The following SLC5A8 variants were observed in gnomAD, a reference collection of about 807,000 sequenced individuals.
SLC5A8 encodes sodium-coupled monocarboxylate transporter 1.
SLC5A8 carries 55 observed loss-of-function variants against 71.9 expected under a neutral mutation model. The observed-to-expected ratio is 0.77, with a 90% confidence interval of 0.62 to 0.96. The LOEUF is 0.96. Among genes scored for constraint, SLC5A8 ranks in the 40% least tolerant of loss-of-function variants. The pLI is 0.00. For missense variants in SLC5A8, 701 were observed against 745.3 expected (o/e 0.94, Z 0.69); for synonymous variants, 307 against 276.1 (o/e 1.11, Z -1.11).
Position 101,193,692 on chromosome 12 carries a change from C to T in SLC5A8, c.625G>A (p.Val209Met), listed in dbSNP as rs1869028086. 2 of 1,614,142 alleles carry T rather than the reference C, an allele frequency of 1.2e-6. No individual in the cohort carries two copies. The highest frequency in any genetic ancestry group is 2.2e-5 in the South Asian group (2 of 91,086). ...ATAGTGCTGATTCCACCTTGCATCA[C>T]CACAGCCTGTATAATCACGGATGCA... Reference protein sequence around the residue: ...GFASVIIQAVVMQGGISTILN... With the variant: ...GFASVIIQAVMMQGGISTILN... Residue 209 changes from valine (V) to methionine (M), a missense_variant, in exon 5 of 15, where the codon GTG becomes ATG. Transcript: ENST00000536262.
chr12:101,166,391 T>A (rs1294307805), intron 12 of SLC5A8, 103 bp downstream of exon 12: 2 of 938,782 alleles, frequency 2.1e-6, no homozygotes, highest in African/African-American at 3.3e-5. Flanking sequence ...ATTTCAGAAT[T>A]AGGCAAAATC....
chr12:101,166,382 T>C, intron 12 of SLC5A8, 112 bp downstream of exon 12: 1 of 850,742 alleles, frequency 1.2e-6, no homozygotes, highest in Non-Finnish European at 1.8e-6. Flanking sequence ...GTTTTACTCA[T>C]TTCAGAATTA....
rs976657076 is a variant in SLC5A8, at chr12:101,157,138, A to G, written c.*141T>C. 1.1e-6 allele frequency: 1 copy of G among 915,902 alleles called. No homozygotes were observed. Among genetic ancestry groups the G allele is most frequent in the Non-Finnish European group, 1.6e-6 (1 of 634,342 alleles). 56.7% of individuals were successfully genotyped at this position (915,902 alleles called of 1,614,324 possible). A position where few individuals can be genotyped will look rare whatever the true frequency, so the allele number is the denominator to read the frequency against. ...ATGATGTAGTAAATGAAGATAGTCC[A>G]GACTTTGTTTTAACAAAAACTTATC... On this transcript the variant is annotated 3_prime_UTR_variant, in exon 15 of 15. Transcript: ENST00000536262.
At chr12:101,176,634 T>C (rs1325760775) in intron 10 of SLC5A8, among the ~76,000 whole-genome samples, 1 of 151,996 alleles carries the variant, frequency 6.6e-6, no homozygotes, top group Non-Finnish European at 1.5e-5. Flanking sequence ...AACAGAAAGA[T>C]AACAGGAAAA....
rs528585640 is a variant in SLC5A8 at position 101,166,103 on chromosome 12, C to T, written c.1526+391G>A. On this transcript the variant is annotated intron_variant, in intron 12 of 14. Transcript: ENST00000536262. ...ATTTAACATGTTTAAATAATTGTAG[C>T]TTTTGGTCAGTAAAATCTATCTTTC... Among the ~76,000 whole-genome samples, 4 of 152,254 alleles carry T rather than the reference C, an allele frequency of 2.6e-5. No individual in the cohort carries two copies. In the East Asian group the frequency reaches 7.7e-4, roughly 29 times the overall value.
At chr12:101,201,518 A>G (rs1427652558) in intron 3 of SLC5A8, among the ~76,000 whole-genome samples, 2 of 152,230 alleles carry the variant, frequency 1.3e-5, no homozygotes, top group African/African-American at 2.4e-5. Context: ...GTTTCCCCAA[A>G]GCCTTTTGAA....
intron 5 of SLC5A8, among the ~76,000 whole-genome samples, chr12:101,191,488 A>C (rs1046484227): frequency 3.3e-5 from 5 of 152,200 alleles, no homozygotes; most frequent in African/African-American, 9.7e-5. Context: ...GAGAGCCTCT[A>C]TTTCATGTCT....
rs1162390515 is a variant in SLC5A8, at chr12:101,155,693, G to T, written c.*1586C>A. The T allele has an allele frequency of 6.6e-6, 1 of 150,546 alleles. No homozygotes were observed. The highest frequency in any genetic ancestry group is 1.5e-5 in the Non-Finnish European group (1 of 67,784). The allele number at this position is 150,546 out of a possible 1,614,324, so 9.3% of individuals were successfully genotyped here. ...TATTTTTTATTTTTGTAGAGATGAG[G>T]TCTAACTATGTTTCCAGGCTGGACT... On this transcript the variant is annotated 3_prime_UTR_variant, in exon 15 of 15. Transcript: ENST00000536262.
intron 10 of SLC5A8, among the ~76,000 whole-genome samples, chr12:101,177,957 A>T (rs1514372): frequency 0.27 from 41,520 of 152,034 alleles, 6,135 homozygotes; most frequent in East Asian, 0.55. Flanking sequence ...GAAGATGACA[A>T]GACTGTTTAT....
intron 12 of SLC5A8, among the ~76,000 whole-genome samples, chr12:101,162,615 C>T (rs1360540539): frequency 6.6e-6 from 1 of 152,126 alleles, no homozygotes; most frequent in Non-Finnish European, 1.5e-5. Context: ...CAGCTGGAGG[C>T]CATTATCCAA....
At chr12:101,161,485 A>G (rs1198758069) in intron 13 of SLC5A8, among the ~76,000 whole-genome samples, 1 of 151,894 alleles carries the variant, frequency 6.6e-6, no homozygotes, top group East Asian at 1.9e-4. Context: ...TAAATATCTG[A>G]AAAAAAAGCC....
chr12:101,196,999 G>C (rs2137162782), intron 3 of SLC5A8, among the ~76,000 whole-genome samples: 1 of 152,298 alleles, frequency 6.6e-6, no homozygotes, highest in Non-Finnish European at 1.5e-5. Context: ...GGGGGCTCCG[G>C]CTGGATAAAA....
chr12:101,190,690 G>A, intron 5 of SLC5A8, 82 bp from the exon 6 acceptor site: 1 of 1,297,710 alleles, frequency 7.7e-7, no homozygotes, highest in Non-Finnish European at 1.0e-6. Flanking sequence ...TTGGAAGCAA[G>A]CAATGCACAT....
rs1868706168 is a variant in SLC5A8 at position 101,187,511 on chromosome 12, G to C, written c.838C>G (p.Leu280Val). Reference sequence around the variant, plus strand: ...CAGAGTCCCACAAGATTGATGTAGAGAGACCTAAAGAAGTGAAAACAAACC... The same window carrying C: ...CAGAGTCCCACAAGATTGATGTAGACAGACCTAAAGAAGTGAAAACAAACC... Reference protein sequence around the residue: ...CKSRFQAKLSLYINLVGLWAI... With the variant: ...CKSRFQAKLSVYINLVGLWAI... The change falls in exon 7 of 15, where the codon CTC becomes GTC. Residue 280 changes from leucine (L) to valine (V), a missense_variant. Physicochemically the swap from Leu to Val is conservative, Grantham distance 32 (BLOSUM62 1). Coordinates refer to ENST00000536262, the MANE Select transcript of SLC5A8 (RefSeq NM_145913.5). The C allele has an allele frequency of 6.2e-7, 1 of 1,606,220 alleles. No homozygotes were observed. The highest frequency in any genetic ancestry group is 8.5e-7 in the Non-Finnish European group (1 of 1,177,502).
intron 2 of SLC5A8, among the ~76,000 whole-genome samples, chr12:101,202,545 G>A (rs909064957): frequency 2.6e-5 from 4 of 151,226 alleles, no homozygotes; most frequent in Non-Finnish European, 5.9e-5. Flanking sequence ...GAAATAATTA[G>A]AAAAAAATAA....
At position 101,204,484 on chromosome 12, in the gene SLC5A8, A is replaced by G; in HGVS notation, c.417+16T>C. Reference sequence around the variant, plus strand: ...TTTTAGCTGACAAAAGATAAAATAAATGGAGAGCTACTTACTGTTTGAACA... The same window carrying G: ...TTTTAGCTGACAAAAGATAAAATAAGTGGAGAGCTACTTACTGTTTGAACA... On this transcript the variant is annotated intron_variant, in intron 2 of 14. Coordinates refer to ENST00000536262, the MANE Select transcript of SLC5A8 (RefSeq NM_145913.5). The G allele has an allele frequency of 4.4e-6, 7 of 1,582,282 alleles. No individual in the cohort carries two copies. The highest frequency in any genetic ancestry group is 6.0e-6 in the Non-Finnish European group (7 of 1,165,980).
chr12:101,166,024 A>G (rs1212209993), intron 12 of SLC5A8, among the ~76,000 whole-genome samples: 2 of 152,218 alleles, frequency 1.3e-5, no homozygotes, highest in African/African-American at 4.8e-5. Flanking sequence ...TCACAGCTGC[A>G]ATCACTTCTA....
At chr12:101,204,587 T>C in intron 1 of SLC5A8, 22 bp from the exon 2 acceptor site, 1 of 1,542,288 alleles carries the variant, frequency 6.5e-7, no homozygotes, top group South Asian at 1.2e-5. Flanking sequence ...AAAAAAATTA[T>C]GCGAATCCTC....
intron 10 of SLC5A8, among the ~76,000 whole-genome samples, chr12:101,174,743 C>T (rs2051863481): frequency 6.6e-6 from 1 of 152,130 alleles, no homozygotes; most frequent in Non-Finnish European, 1.5e-5. Context: ...ATTCTACACA[C>T]CCCTATCCAG....
Sources: gnomAD v4.1 joint callset for allele counts (sites outside exome capture counted in the v4.1 genomes callset) on GRCh38, gnomAD v4.1.1 for gene constraint, MANE v1.5 for transcripts, NCBI Gene and HGNC (gene_info 2026-07-23, HGNC 2026-07-21) for gene names.